Variants in CEP162 observed in about 807,000 individuals in gnomAD.
CEP162 encodes the protein centrosomal protein 162, also known as centrosomal protein of 162 kDa.
CEP162 carries 141 observed loss-of-function variants against 169.2 expected under a neutral mutation model. That is an observed-to-expected ratio of 0.83 (90% CI 0.73 to 0.96). CEP162 has a LOEUF of 0.96. CEP162 is among the 40% of genes least tolerant of loss of function. The pLI is 0.00. For missense variants in CEP162, 1,600 were observed against 1,587.2 expected, an observed-to-expected ratio of 1.01 and a Z score of -0.14; for synonymous variants, 540 against 526.4, an observed-to-expected ratio of 1.03 and a Z score of -0.35.
chr6:84,178,418 G>A (rs1197527815), intron 13 of CEP162, among the ~76,000 whole-genome samples: 1 of 152,174 alleles, frequency 6.6e-6, no homozygotes, highest in Non-Finnish European at 1.5e-5. Context: ...GAAGCTGGGT[G>A]AGGGATAAAT....
chr6:84,191,266 C>G (rs1018949544), intron 11 of CEP162, among the ~76,000 whole-genome samples: 28 of 152,126 alleles, frequency 1.8e-4, no homozygotes, highest in Non-Finnish European at 3.2e-4. Flanking sequence ...GGGCATACCC[C>G]TCAACCTAAA....
intron 9 of CEP162, among the ~76,000 whole-genome samples, chr6:84,199,558 CAA>C (rs11356971): frequency 0.21 from 27,574 of 134,122 alleles, 8,541 homozygotes; most frequent in African/African-American, 0.67. Flanking sequence ...AAGTAAAAAG[CAA>C]AAAAAAAAAA....
At position 84,221,103 on chromosome 6, in the gene CEP162, T is replaced by C. The variant is rs781453210; in HGVS notation, c.126A>G (p.Lys42=). Residue 42 remains lysine (K), a synonymous_variant, in exon 3 of 27, where the codon AAA becomes AAG. Coordinates refer to ENST00000403245, the MANE Select transcript of CEP162 (RefSeq NM_014895.4). ...CAGTTATCCACCAAGGCACTGTATCTTTCTTCTTCATCTCTTTTTTAGATT... is the reference window on the plus strand; with the variant it reads ...CAGTTATCCACCAAGGCACTGTATCCTTCTTCTTCATCTCTTTTTTAGATT... ...ARQSKKEMKK[K]DTVPWWITED... 3 of 1,604,018 alleles carry C rather than the reference T, an allele frequency of 1.9e-6. No individual in the cohort carries two copies. The highest frequency in any genetic ancestry group is 2.2e-5 in the East Asian group (1 of 44,674).
chr6:84,155,459 C>T lies in CEP162; in HGVS notation c.2833G>A (p.Ala945Thr), dbSNP rs750896447. Residue 945 changes from alanine (A) to threonine (T), a missense_variant, in exon 22 of 27, where the codon GCT (alanine) becomes ACT (threonine). Physicochemically the swap from Ala to Thr is moderately conservative, Grantham distance 58. Coordinates refer to ENST00000403245, the MANE Select transcript of CEP162 (RefSeq NM_014895.4). ...GCTGCTGATGCAGCCAATATTAAAGCAGGTAAAGAATTGGGATATCTTCTC... is the reference window on the plus strand; with the variant it reads ...GCTGCTGATGCAGCCAATATTAAAGTAGGTAAAGAATTGGGATATCTTCTC... The part of the protein sequence containing the change: ...LKRRYPNSLP[A>T]LILAASAAGD... 6.2e-6 allele frequency: 10 copies of T among 1,613,196 alleles called. No individual in the cohort carries two copies. Among genetic ancestry groups the T allele is most frequent in the Middle Eastern group, 1.6e-4 (1 of 6,078 alleles).
intron 21 of CEP162, among the ~76,000 whole-genome samples, chr6:84,157,143 T>C (rs923905366): frequency 6.6e-6 from 1 of 152,148 alleles, no homozygotes; most frequent in Non-Finnish European, 1.5e-5. Flanking sequence ...TTGAAACATA[T>C]ATATGGTCAC....
intron 3 of CEP162, among the ~76,000 whole-genome samples, chr6:84,216,590 T>C (rs2099551649): frequency 1.3e-5 from 2 of 152,182 alleles, no homozygotes; most frequent in African/African-American, 2.4e-5. Flanking sequence ...GGCTAATATA[T>C]ATTAAGCATA....
At chr6:84,216,594 A>C (rs1267744962) in intron 3 of CEP162, among the ~76,000 whole-genome samples, 1 of 152,176 alleles carries the variant, frequency 6.6e-6, no homozygotes, top group African/African-American at 2.4e-5. Context: ...AATATATATT[A>C]AGCATATTAA....
intron 23 of CEP162, among the ~76,000 whole-genome samples, chr6:84,150,493 C>G (rs946377561): frequency 5.3e-5 from 8 of 152,014 alleles, no homozygotes; most frequent in African/African-American, 1.9e-4. Context: ...GAATATTTCT[C>G]CATGGAAACA....
chr6:84,213,589 A>T (rs1285295060), intron 5 of CEP162, among the ~76,000 whole-genome samples: 1 of 152,206 alleles, frequency 6.6e-6, no homozygotes, highest in East Asian at 1.9e-4. Flanking sequence ...CTACCTTTTC[A>T]GTCTATCAAC....
chr6:84,219,206 TAATA>T, intron 3 of CEP162: 1 of 1,227,726 alleles, frequency 8.1e-7, no homozygotes, highest in Admixed American at 2.3e-5. Flanking sequence ...TGCCTTTTCA[TAATA>T]ATGCCTAGTA....
intron 9 of CEP162, among the ~76,000 whole-genome samples, 175 bp downstream of exon 9, chr6:84,200,614 G>A (rs1588861265): frequency 6.6e-6 from 1 of 152,126 alleles, no homozygotes; most frequent in Non-Finnish European, 1.5e-5. Context: ...TACTAGCATT[G>A]TGTCACCATC....
At chr6:84,159,547 A>ATTTTTTTTTTTTTTTT (rs1166267578) in intron 21 of CEP162, among the ~76,000 whole-genome samples, 1 of 31,940 alleles carries the variant, frequency 3.1e-5, no homozygotes, top group African/African-American at 1.4e-4. Context: ...ATATATATAT[A>ATTTTTTTTTTTTTTTT]TTTTTTTTTT....
At chr6:84,144,212 C>T (rs185705035) in intron 25 of CEP162, among the ~76,000 whole-genome samples, 9 of 152,006 alleles carry the variant, frequency 5.9e-5, no homozygotes, top group Admixed American at 3.9e-4. Context: ...GCTTATTTGA[C>T]GTGATAAATT....
Position 84,159,817 on chromosome 6 carries a change from T to C in CEP162, c.2781+995A>G, listed in dbSNP as rs898561264. On this transcript the variant is annotated intron_variant, in intron 21 of 26. Coordinates refer to ENST00000403245, the MANE Select transcript of CEP162 (RefSeq NM_014895.4). Reference sequence around the variant, plus strand: ...CCCTGGTCTTGAACTCCTAGCTTCATGTGATTCTCCTGCCTCTGCCTCCCA... The same window carrying C: ...CCCTGGTCTTGAACTCCTAGCTTCACGTGATTCTCCTGCCTCTGCCTCCCA... 4.6e-5 allele frequency among the ~76,000 whole-genome samples: 7 copies of C among 151,662 alleles called. 1 individual carries two copies.
intron 6 of CEP162, among the ~76,000 whole-genome samples, chr6:84,206,953 AACAG>A (rs978070122): frequency 1.2e-4 from 19 of 152,276 alleles, no homozygotes; most frequent in Non-Finnish European, 7.3e-5. Flanking sequence ...TTATGCAGAC[AACAG>A]ACATGTGAAA....
Position 84,163,256 on chromosome 6 carries a change from A to C in CEP162, c.2400T>G (p.Ser800Arg). The change falls in exon 19 of 27, where the codon AGT becomes AGG. Residue 800 changes from serine (S) to arginine (R), a missense_variant. Physicochemically the swap from Ser to Arg is moderately radical, Grantham distance 110 (BLOSUM62 -1). Transcript: ENST00000403245. ...ELRMAQKEKD[S>R]LLEDIKRLKQ... ...TCAGTCTTTTGATGTCTTCCAATAA[A>C]CTGTCTTTTTCTTTCTTGATATTCA... 1 of 1,607,118 alleles carries C rather than the reference A, an allele frequency of 6.2e-7. No homozygotes were observed. The highest frequency in any genetic ancestry group is 8.5e-7 in the Non-Finnish European group (1 of 1,175,568).
At chr6:84,171,469 CAT>C (rs2099530091) in intron 17 of CEP162, 135 bp downstream of exon 17, 2 of 429,180 alleles carry the variant, frequency 4.7e-6, no homozygotes, top group Non-Finnish European at 8.2e-6. Context: ...GAGTATTAAA[CAT>C]AAAATTGGAA....
At chr6:84,176,823 G>A (rs1314597176) in intron 13 of CEP162, among the ~76,000 whole-genome samples, 3 of 151,598 alleles carry the variant, frequency 2.0e-5, no homozygotes, top group Non-Finnish European at 4.4e-5. Context: ...TTATGCCAGA[G>A]TTCTCCCTTC....
Position 84,124,901 on chromosome 6 carries a change from T to C in CEP162, c.*169A>G, listed in dbSNP as rs539142504. The C allele has an allele frequency of 3.2e-6, 2 of 631,662 alleles. No homozygotes were observed. The highest frequency in any genetic ancestry group is 2.8e-5 in the East Asian group (1 of 35,784). 39.1% of individuals were successfully genotyped at this position (631,662 alleles called of 1,614,324 possible). On this transcript the variant is annotated 3_prime_UTR_variant, in exon 27 of 27. Transcript: ENST00000403245. ...ATTTTTAGTAAAATACACCATTATA[T>C]GTTTTTTTTCTTATTGGTTAAAGGC...
Sources: allele counts gnomAD v4.1 joint callset (sites outside exome capture counted in the v4.1 genomes callset), GRCh38; gene constraint gnomAD v4.1.1; transcripts MANE v1.5; gene names NCBI Gene and HGNC (gene_info 2026-07-23, HGNC 2026-07-21).